The following VPS45 variants were observed in gnomAD, a reference collection of about 807,000 sequenced individuals.
The protein encoded by VPS45 is vacuolar protein sorting-associated protein 45.
VPS45 carries 35 observed loss-of-function variants against 75.9 expected under a neutral mutation model. That is an observed-to-expected ratio of 0.46 (90% CI 0.35 to 0.61). The LOEUF (loss-of-function observed/expected upper bound fraction) is 0.61. Ranked by LOEUF, VPS45 falls within the 20% of genes least tolerant of loss-of-function variation. The pLI is 0.00. For missense variants in VPS45, 559 were observed against 685.9 expected (o/e 0.81, Z 2.07); for synonymous variants, 220 against 238.2 (o/e 0.92, Z 0.70).
chr1:150,107,375 C>G (rs1657389749), intron 13 of VPS45, among the ~76,000 whole-genome samples: 1 of 152,160 alleles, frequency 6.6e-6, no homozygotes, highest in African/African-American at 2.4e-5. Flanking sequence ...AAGTTATGGA[C>G]TCCCCCTTTA....
At chr1:150,137,059 C>T (rs1659146930) in intron 14 of VPS45, among the ~76,000 whole-genome samples, 1 of 152,082 alleles carries the variant, frequency 6.6e-6, no homozygotes, top group African/African-American at 2.4e-5. Flanking sequence ...CTACCACACC[C>T]AGCTAATTTT....
intron 13 of VPS45, chr1:150,109,536 T>C (rs1277900055): frequency 6.6e-6 from 1 of 152,160 alleles, no homozygotes; most frequent in Non-Finnish European, 1.5e-5. Flanking sequence ...TACATAAGCA[T>C]GTATATTCCT....
intron 14 of VPS45, 41 bp downstream of exon 14, chr1:150,110,668 C>A: frequency 6.5e-7 from 1 of 1,541,070 alleles, no homozygotes; most frequent in Non-Finnish European, 8.8e-7. Flanking sequence ...TCCTCTTTCC[C>A]AGAGGATAAA....
intron 2 of VPS45, among the ~76,000 whole-genome samples, chr1:150,069,458 A>G (rs1364575735): frequency 5.7e-5 from 1 of 17,492 alleles, no homozygotes; most frequent in Non-Finnish European, 1.1e-4. Context: ...TATTTGTTAC[A>G]CTTTTTTTTT....
At chr1:150,087,480 G>A (rs587628217) in intron 10 of VPS45, among the ~76,000 whole-genome samples, 10 of 152,218 alleles carry the variant, frequency 6.6e-5, no homozygotes, top group African/African-American at 1.4e-4. Context: ...AAATACTACC[G>A]TGTAGCATAT....
chr1:150,099,951 C>T lies in VPS45; in HGVS notation c.1493+6303C>T, dbSNP rs587663164. Among the ~76,000 whole-genome samples, 15 of 152,222 alleles carry T rather than the reference C, an allele frequency of 9.9e-5. No homozygotes were observed. The South Asian group carries it at 2.5e-3, about 25-fold the overall frequency. ...AGCACAAGACAAGGATGCCCTCTCT[C>T]ACCACTTCTATTCAACAGAGTATTG... On this transcript the variant is annotated intron_variant, in intron 13 of 14. Coordinates refer to ENST00000644510, the MANE Select transcript of VPS45 (RefSeq NM_007259.5).
rs1227921940 is a variant in VPS45, at chr1:150,076,920, T to C, written c.374T>C (p.Phe125Ser). The C allele has an allele frequency of 6.2e-7, 1 of 1,613,948 alleles. No individual in the cohort carries two copies. The highest frequency in any genetic ancestry group is 8.5e-7 in the Non-Finnish European group (1 of 1,179,998). The part of the protein sequence containing the change: ...EQEVVAEVQE[F>S]YGDYIAVNPH... ...TTCTTGGTGCTTTATTTGCAGGAAT[T>C]TTATGGTGATTACATTGCTGTGAAC... Residue 125 changes from phenylalanine (F) to serine (S), a missense_variant, in exon 5 of 15, where the codon TTT (phenylalanine) becomes TCT (serine). Coordinates refer to ENST00000644510, the MANE Select transcript of VPS45 (RefSeq NM_007259.5).
intron 13 of VPS45, among the ~76,000 whole-genome samples, chr1:150,107,719 G>A (rs1339189563): frequency 6.6e-6 from 1 of 152,120 alleles, no homozygotes; most frequent in African/African-American, 2.4e-5. Flanking sequence ...TGGCCAACAT[G>A]GTGAAACCTC....
intron 14 of VPS45, among the ~76,000 whole-genome samples, chr1:150,115,885 T>C (rs921195101): frequency 6.6e-6 from 1 of 152,186 alleles, no homozygotes; most frequent in Admixed American, 6.5e-5. Context: ...CACAGTGCCC[T>C]TGTTTAATAA....
chr1:150,131,109 C>T (rs1222372155), intron 14 of VPS45, among the ~76,000 whole-genome samples: 1 of 152,042 alleles, frequency 6.6e-6, no homozygotes, highest in African/African-American at 2.4e-5. Flanking sequence ...AAACTGCCGG[C>T]CAGAAAAATT....
At chr1:150,123,840 C>G (rs1353980659) in intron 14 of VPS45, among the ~76,000 whole-genome samples, 1 of 152,180 alleles carries the variant, frequency 6.6e-6, no homozygotes, top group Non-Finnish European at 1.5e-5. Context: ...GCTGCCATTG[C>G]TTGAACACTA....
chr1:150,068,577 T>A (rs1654852674), intron 1 of VPS45, 53 bp from the exon 2 acceptor site: 10 of 1,422,758 alleles, frequency 7.0e-6, no homozygotes, highest in Middle Eastern at 1.9e-4. Flanking sequence ...ATGTGCTACT[T>A]GTTTTTATTA....
intron 14 of VPS45, among the ~76,000 whole-genome samples, chr1:150,124,413 C>T (rs191308467): frequency 9.9e-5 from 15 of 151,908 alleles, no homozygotes; most frequent in African/African-American, 3.6e-4. Flanking sequence ...AAGCCGAGAT[C>T]GCGCCACTGC....
intron 14 of VPS45, among the ~76,000 whole-genome samples, chr1:150,114,236 G>A (rs1327368434): frequency 6.6e-6 from 1 of 151,970 alleles, no homozygotes; most frequent in South Asian, 2.1e-4. Flanking sequence ...GCTTTGGGAG[G>A]CCGAGGTGGG....
At chr1:150,130,174 A>G (rs1471259497) in intron 14 of VPS45, among the ~76,000 whole-genome samples, 1 of 136,440 alleles carries the variant, frequency 7.3e-6, no homozygotes, top group Non-Finnish European at 1.6e-5. Context: ...ACACATATAT[A>G]TCTATATATA....
chr1:150,070,980 G>A (rs1233432285), intron 2 of VPS45, among the ~76,000 whole-genome samples: 1 of 151,502 alleles, frequency 6.6e-6, no homozygotes, highest in East Asian at 1.9e-4. Context: ...AAGTAATTGA[G>A]GTTTAAAAGA....
At chr1:150,108,825 A>G (rs1487449509) in intron 13 of VPS45, among the ~76,000 whole-genome samples, 3 of 152,104 alleles carry the variant, frequency 2.0e-5, no homozygotes, top group African/African-American at 7.2e-5. Context: ...TAACGCCTCC[A>G]CGGATCTAAG....
intron 13 of VPS45, among the ~76,000 whole-genome samples, chr1:150,107,699 A>G (rs1220624663): frequency 6.6e-6 from 1 of 151,966 alleles, no homozygotes; most frequent in Non-Finnish European, 1.5e-5. Context: ...GGAGTTCAAG[A>G]CCCCCTGCCT....
At chr1:150,090,834 G>C (rs1420526141) in intron 10 of VPS45, among the ~76,000 whole-genome samples, 3 of 152,182 alleles carry the variant, frequency 2.0e-5, no homozygotes, top group African/African-American at 7.2e-5. Flanking sequence ...TTTTTACACA[G>C]TGCAATATAT....
Sources: gnomAD v4.1 joint callset for allele counts (sites outside exome capture counted in the v4.1 genomes callset) on GRCh38, gnomAD v4.1.1 for gene constraint, MANE v1.5 for transcripts, NCBI Gene and HGNC (gene_info 2026-07-23, HGNC 2026-07-21) for gene names.